CSMD1: variants seen among roughly 807,000 people sequenced by gnomAD.
CSMD1 encodes CUB and sushi domain-containing protein 1.
Under a neutral mutation model 417.5 loss-of-function variants are expected in CSMD1, and 213 were observed. The ratio of observed to expected loss-of-function variants is 0.51; its 90% CI spans 0.46 to 0.57. CSMD1 has a LOEUF of 0.57. CSMD1 is among the 20% of genes least tolerant of loss of function. The probability of loss-of-function intolerance (pLI) is 0.00; values close to 1 mark genes in which losing one functional copy is unlikely to be tolerated. For synonymous variants in CSMD1, 2,862 were observed against 1,736.8 expected (o/e 1.65, Z -16.11); for missense variants, 6,923 against 4,529.7 (o/e 1.53, Z -15.17).
At chr8:4,667,624 C>T (rs949881965) in intron 1 of CSMD1, among the ~76,000 whole-genome samples, 1 of 151,990 alleles carries the variant, frequency 6.6e-6, no homozygotes, top group East Asian at 1.9e-4. Flanking sequence ...AACGCTATTG[C>T]ATATGGGATT....
intron 23 of CSMD1, among the ~76,000 whole-genome samples, chr8:3,325,306 T>A (rs1430098403): frequency 1.3e-5 from 2 of 152,186 alleles, no homozygotes; most frequent in Non-Finnish European, 2.9e-5. Context: ...TAGAGAAGAA[T>A]GGGAAAATAT....
intron 3 of CSMD1, among the ~76,000 whole-genome samples, chr8:4,236,973 G>A (rs980336121): frequency 6.6e-6 from 1 of 152,120 alleles, no homozygotes; most frequent in Non-Finnish European, 1.5e-5. Flanking sequence ...TTACACTGAG[G>A]ACCAACTATT....
At chr8:2,994,616 A>G (rs1457275307) in intron 54 of CSMD1, among the ~76,000 whole-genome samples, 2 of 152,262 alleles carry the variant, frequency 1.3e-5, no homozygotes, top group Non-Finnish European at 2.9e-5. Flanking sequence ...AAATGTAGAA[A>G]TTAAAGCCAT....
chr8:4,256,203 T>C (rs946924174), intron 3 of CSMD1, among the ~76,000 whole-genome samples: 2 of 152,326 alleles, frequency 1.3e-5, no homozygotes, highest in South Asian at 2.1e-4. Flanking sequence ...TGATTTGTCC[T>C]TACTCAAAGT....
At chr8:3,719,008 C>T (rs1039786757) in intron 6 of CSMD1, among the ~76,000 whole-genome samples, 2 of 152,096 alleles carry the variant, frequency 1.3e-5, no homozygotes, top group African/African-American at 4.8e-5. Flanking sequence ...GGTGAGACAA[C>T]GCGCTCAGAA....
At chr8:3,997,167 T>C (rs756294597) in intron 5 of CSMD1, among the ~76,000 whole-genome samples, 4 of 152,218 alleles carry the variant, frequency 2.6e-5, no homozygotes, top group African/African-American at 9.6e-5. Flanking sequence ...CAATTTTACA[T>C]GCAACAAATG....
At chr8:3,860,119 C>A (rs1429143673) in intron 5 of CSMD1, among the ~76,000 whole-genome samples, 1 of 152,024 alleles carries the variant, frequency 6.6e-6, no homozygotes, top group Non-Finnish European at 1.5e-5. Flanking sequence ...CATATTGATC[C>A]CCTTTGAAGC....
intron 2 of CSMD1, among the ~76,000 whole-genome samples, chr8:4,602,619 G>A (rs771624814): frequency 1.3e-5 from 2 of 152,192 alleles, no homozygotes; most frequent in Admixed American, 6.5e-5. Context: ...ATTCAAAGAA[G>A]TTTGAAGGCG....
chr8:3,745,459 G>A (rs760624097), intron 6 of CSMD1, among the ~76,000 whole-genome samples: 16 of 152,204 alleles, frequency 1.1e-4, no homozygotes, highest in African/African-American at 2.7e-4. Context: ...CCAACTTGAC[G>A]TAATCTGAGA....
intron 10 of CSMD1, among the ~76,000 whole-genome samples, chr8:3,548,001 G>A (rs768772288): frequency 6.6e-6 from 1 of 152,076 alleles, no homozygotes; most frequent in South Asian, 2.1e-4. Flanking sequence ...ATAACTAAAA[G>A]AAAGGAAATG....
At chr8:3,767,584 T>C (rs2129057787) in intron 5 of CSMD1, among the ~76,000 whole-genome samples, 1 of 152,278 alleles carries the variant, frequency 6.6e-6, no homozygotes, top group South Asian at 2.1e-4. Context: ...CAAATACGAG[T>C]GTGTGGATCT....
At chr8:2,966,546 C>A in intron 58 of CSMD1, 24 bp downstream of exon 58, 1 of 1,600,328 alleles carries the variant, frequency 6.2e-7, no homozygotes, top group South Asian at 1.1e-5. Flanking sequence ...ACGTCTGAGT[C>A]TACCATGATG....
chr8:4,630,601 T>C (rs1313583548), intron 2 of CSMD1, among the ~76,000 whole-genome samples: 2 of 152,204 alleles, frequency 1.3e-5, no homozygotes, highest in East Asian at 1.9e-4. Flanking sequence ...TGAGGAAAAT[T>C]ACATTTTATT....
intron 1 of CSMD1, among the ~76,000 whole-genome samples, chr8:4,915,009 C>A (rs1805953449): frequency 6.6e-6 from 1 of 152,068 alleles, no homozygotes; most frequent in Non-Finnish European, 1.5e-5. Context: ...GTATTTAATT[C>A]AATTCATATT....
intron 2 of CSMD1, among the ~76,000 whole-genome samples, chr8:4,598,036 A>G (rs1226397216): frequency 2.0e-5 from 3 of 151,970 alleles, no homozygotes; most frequent in Admixed American, 2.0e-4. Flanking sequence ...ACATTTATCA[A>G]TATTCACAAT....
Position 4,033,397 on chromosome 8 carries a change from G to C in CSMD1, c.416-1298C>G, listed in dbSNP as rs570350279. 1.2e-3 allele frequency among the ~76,000 whole-genome samples: 181 copies of C among 152,176 alleles called. 7 individuals are homozygous for C. The South Asian group carries it at 0.019, about 16-fold the overall frequency. On this transcript the variant is annotated intron_variant, in intron 3 of 69. Coordinates refer to ENST00000635120, the MANE Select transcript of CSMD1 (RefSeq NM_033225.6). Reference sequence around the variant, plus strand: ...GCGGAGCTTGCGGTGAGCCGAGATCGCACCACTGCACTCCAGCGTGGGTGA... The same window carrying C: ...GCGGAGCTTGCGGTGAGCCGAGATCCCACCACTGCACTCCAGCGTGGGTGA...
chr8:4,322,767 G>A (rs1284677927), intron 3 of CSMD1, among the ~76,000 whole-genome samples: 18 of 152,324 alleles, frequency 1.2e-4, no homozygotes, highest in Middle Eastern at 3.4e-3. Flanking sequence ...GGCAGAGGTA[G>A]GCGGATCACT....
rs772949148 is a variant in CSMD1 at position 4,302,561 on chromosome 8, G to T, written c.415+117392C>A. 6.0e-4 allele frequency among the ~76,000 whole-genome samples: 91 copies of T among 151,992 alleles called. 1 individual carries two copies. The highest frequency in any genetic ancestry group is 2.4e-4 in the Non-Finnish European group (16 of 68,004). The stretch of plus-strand genomic sequence containing the variant: ...AGACCGTCTTGAAAGTCAGGTTTCC[G>T]CCTCTCTCTCAACCCTATACGATAA... On this transcript the variant is annotated intron_variant, in intron 3 of 69. Coordinates refer to ENST00000635120, the MANE Select transcript of CSMD1 (RefSeq NM_033225.6).
intron 52 of CSMD1, among the ~76,000 whole-genome samples, chr8:3,009,547 G>T (rs2128961809): frequency 6.6e-6 from 1 of 152,138 alleles, no homozygotes; most frequent in East Asian, 1.9e-4. Context: ...TCACTTATAG[G>T]CAGGAAAAAC....
Sources: gnomAD v4.1 joint callset for allele counts (sites outside exome capture counted in the v4.1 genomes callset) on GRCh38, gnomAD v4.1.1 for gene constraint, MANE v1.5 for transcripts, NCBI Gene and HGNC (gene_info 2026-07-23, HGNC 2026-07-21) for gene names.